The following COG7 variants were observed in gnomAD, a reference collection of about 807,000 sequenced individuals.
COG7 encodes component of oligomeric golgi complex 7.
Under a neutral mutation model 91.5 loss-of-function variants are expected in COG7, and 49 were observed. That is an observed-to-expected ratio of 0.54 (90% CI 0.43 to 0.68). The LOEUF is 0.68. Ranked by LOEUF, COG7 falls within the 30% of genes least tolerant of loss-of-function variation. The pLI, the probability that COG7 is intolerant of heterozygous loss-of-function variation, is 0.00. For missense variants in COG7, 895 were observed against 961.3 expected, an observed-to-expected ratio of 0.93 and a Z score of 0.91; for synonymous variants, 365 against 388.7, an observed-to-expected ratio of 0.94 and a Z score of 0.72.
chr16:23,426,339 A>C (rs1026969584), intron 6 of COG7, among the ~76,000 whole-genome samples: 1 of 152,132 alleles, frequency 6.6e-6, no homozygotes, highest in Non-Finnish European at 1.5e-5. Flanking sequence ...AACATTGTAC[A>C]CCATGATCAA....
In COG7 at chr16:23,391,945, G is replaced by C. The variant is rs1354645382; in HGVS notation, c.2146+435C>G. 3.7e-6 allele frequency: 4 copies of C among 1,077,508 alleles called. No individual in the cohort carries two copies. In the East Asian group the frequency reaches 1.9e-4, roughly 51 times the overall value. The allele number at this position is 1,077,508 out of a possible 1,614,324, so 66.7% of individuals were successfully genotyped here. On this transcript the variant is annotated intron_variant, in intron 16 of 16. Transcript: ENST00000307149. ...GCCTCCGTTCCCTATCGGTATGATG[G>C]AGAAGAGAGCACCCACCTCACAGGG...
At chr16:23,409,049 T>C (rs1196126630) in intron 11 of COG7, among the ~76,000 whole-genome samples, 2 of 145,732 alleles carry the variant, frequency 1.4e-5, no homozygotes, top group African/African-American at 5.2e-5. Context: ...GCTGGAAGGC[T>C]GCACAGTGTG....
intron 4 of COG7, among the ~76,000 whole-genome samples, chr16:23,439,708 A>G (rs1964070366): frequency 6.6e-6 from 1 of 152,210 alleles, no homozygotes; most frequent in African/African-American, 2.4e-5. Context: ...AGGAATGGAC[A>G]GTTGCTGTTT....
chr16:23,392,474 C>A lies in COG7; in HGVS notation c.2052G>T (p.Ser684=). ...LDNMADNWLG[S]IARATMQTYC... ...AGGTCTGCATTGTGGCTCTGGCGAT[C>A]GAGCCCAGCCAGTTGTCAGCCATGT... Residue 684 remains serine (S), a synonymous_variant, in exon 16 of 17, where the codon TCG becomes TCT. Transcript: ENST00000307149. 1 of 1,614,170 alleles carries A rather than the reference C, an allele frequency of 6.2e-7. No homozygotes were observed. The highest frequency in any genetic ancestry group is 1.3e-5 in the African/African-American group (1 of 75,042).
intron 6 of COG7, among the ~76,000 whole-genome samples, chr16:23,429,670 A>G (rs1198813085): frequency 1.3e-5 from 2 of 152,166 alleles, no homozygotes; most frequent in Admixed American, 1.3e-4. Flanking sequence ...GGGCTGAGGC[A>G]GGACAACCAC....
intron 6 of COG7, among the ~76,000 whole-genome samples, chr16:23,431,915 G>A (rs910730760): frequency 6.6e-5 from 10 of 152,204 alleles, no homozygotes; most frequent in African/African-American, 2.4e-4. Flanking sequence ...GCCAAAGTGG[G>A]AGGATTACTT....
At chr16:23,425,871 G>A (rs192483195) in intron 6 of COG7, among the ~76,000 whole-genome samples, 42 of 152,224 alleles carry the variant, frequency 2.8e-4, no homozygotes, top group Admixed American at 2.5e-3. Context: ...CAAATCTAAC[G>A]AACACATTCA....
intron 11 of COG7, among the ~76,000 whole-genome samples, chr16:23,407,320 T>TCC (rs1963478519): frequency 6.6e-6 from 1 of 152,214 alleles, no homozygotes; most frequent in African/African-American, 2.4e-5. Flanking sequence ...CTGTGGCCTG[T>TCC]CTCTGCCATT....
At chr16:23,441,078 T>G (rs1030856566) in intron 4 of COG7, among the ~76,000 whole-genome samples, 3 of 151,956 alleles carry the variant, frequency 2.0e-5, no homozygotes, top group Non-Finnish European at 2.9e-5. Flanking sequence ...AAAAAAAAAT[T>G]TTTAAGGAAG....
intron 6 of COG7, among the ~76,000 whole-genome samples, chr16:23,426,818 C>CAAAAAAAAAAAAAAAAAAA (rs1176659874): frequency 3.3e-5 from 2 of 60,298 alleles, no homozygotes; most frequent in African/African-American, 6.4e-5. Flanking sequence ...AGCAATTGGA[C>CAAAAAAAAAAAAAAAAAAA]AAAAAAAAAA....
At chr16:23,433,802 A>G in intron 5 of COG7, 135 bp from the exon 6 acceptor site, 1 of 883,374 alleles carries the variant, frequency 1.1e-6, no homozygotes, top group Non-Finnish European at 1.8e-6. Context: ...AGGTCCATTC[A>G]CTTCAAAGAA....
At chr16:23,434,473 T>A (rs900389629) in intron 5 of COG7, among the ~76,000 whole-genome samples, 163 bp downstream of exon 5, 1 of 152,166 alleles carries the variant, frequency 6.6e-6, no homozygotes, top group Non-Finnish European at 1.5e-5. Context: ...AACAAATCCA[T>A]ATGCTAGACC....
intron 12 of COG7, among the ~76,000 whole-genome samples, chr16:23,404,046 G>C (rs890730396): frequency 6.6e-6 from 1 of 152,238 alleles, no homozygotes; most frequent in Non-Finnish European, 1.5e-5. Flanking sequence ...GTTCACTGGG[G>C]TTGGAGCCCA....
At position 23,406,367 on chromosome 16, in the gene COG7, GAC is replaced by G. The variant is rs1963462295; in HGVS notation, c.1476-107_1476-106del. 5.0e-6 allele frequency: 5 copies of G among 1,003,138 alleles called. No individual in the cohort carries two copies. The East Asian group carries it at 1.3e-4, about 25-fold the overall frequency. 62.1% of individuals were successfully genotyped at this position (1,003,138 alleles called of 1,614,324 possible). On this transcript the variant is annotated intron_variant, in intron 11 of 16. Transcript: ENST00000307149. ...CTAAATTCAAAGATAATCCTCATGA[GAC>G]AGACTGAATTAAGGTCCAGTTTATA...
Position 23,422,295 on chromosome 16 carries a change from A to G in COG7, c.1009+2454T>C, listed in dbSNP as rs377453340. ...GTCACTGCACTCTAACCTGGGCGACAGAGCAAGACCCTGTCTCAAAAAAAC... is the reference window on the plus strand; with the variant it reads ...GTCACTGCACTCTAACCTGGGCGACGGAGCAAGACCCTGTCTCAAAAAAAC... On this transcript the variant is annotated intron_variant, in intron 7 of 16. Coordinates refer to ENST00000307149, the MANE Select transcript of COG7 (RefSeq NM_153603.4). 4.6e-5 allele frequency among the ~76,000 whole-genome samples: 7 copies of G among 152,216 alleles called. No homozygotes were observed. The East Asian group carries it at 1.3e-3, about 29-fold the overall frequency.
chr16:23,423,292 A>C (rs1332414476), intron 7 of COG7, among the ~76,000 whole-genome samples: 1 of 150,018 alleles, frequency 6.7e-6, no homozygotes, highest in Non-Finnish European at 1.5e-5. Flanking sequence ...GTTTGAACCC[A>C]GGAGGTGGAG....
At chr16:23,394,069 A>C (rs1002752534) in intron 14 of COG7, among the ~76,000 whole-genome samples, 5 of 152,032 alleles carry the variant, frequency 3.3e-5, no homozygotes, top group African/African-American at 1.2e-4. Context: ...AAAAAAAAAA[A>C]AAAACCTGTC....
At chr16:23,396,924 T>A (rs1051996022) in intron 14 of COG7, among the ~76,000 whole-genome samples, 1 of 148,608 alleles carries the variant, frequency 6.7e-6, no homozygotes, top group African/African-American at 2.4e-5. Flanking sequence ...TCTTTTTTTT[T>A]CCTGAGGCAG....
intron 7 of COG7, among the ~76,000 whole-genome samples, chr16:23,423,780 G>A (rs1270194666): frequency 6.6e-6 from 1 of 152,184 alleles, no homozygotes; most frequent in Non-Finnish European, 1.5e-5. Flanking sequence ...TTCCTGATTT[G>A]ACAGCAACAT....
Sources: allele counts gnomAD v4.1 joint callset (sites outside exome capture counted in the v4.1 genomes callset), GRCh38; gene constraint gnomAD v4.1.1; transcripts MANE v1.5; gene names NCBI Gene and HGNC (gene_info 2026-07-23, HGNC 2026-07-21).